The following NKAIN2 variants were observed in gnomAD, a reference collection of about 807,000 sequenced individuals.
The protein encoded by NKAIN2 is sodium/potassium-transporting ATPase subunit beta-1-interacting protein 2.
Under a neutral mutation model 32.6 loss-of-function variants are expected in NKAIN2, and 14 were observed. That is an observed-to-expected ratio of 0.43 (90% confidence interval 0.28 to 0.67). The LOEUF is 0.67. Among genes scored for constraint, NKAIN2 ranks in the 30% least tolerant of loss-of-function variants. The pLI is 0.17. For missense variants in NKAIN2, 198 were observed against 258.3 expected, an observed-to-expected ratio of 0.77 and a Z score of 1.60; for synonymous variants, 80 against 87.2, an observed-to-expected ratio of 0.92 and a Z score of 0.46.
intron 1 of NKAIN2, among the ~76,000 whole-genome samples, chr6:124,086,714 T>C (rs1463426383): frequency 6.6e-6 from 1 of 151,890 alleles, no homozygotes; most frequent in Non-Finnish European, 1.5e-5. Flanking sequence ...GCCAAATGCA[T>C]GAAAGACACA....
intron 3 of NKAIN2, among the ~76,000 whole-genome samples, chr6:124,402,530 T>C (rs1487244377): frequency 6.6e-6 from 1 of 152,234 alleles, no homozygotes; most frequent in Non-Finnish European, 1.5e-5. Flanking sequence ...TATAAGGTCT[T>C]GATATAAATA....
chr6:124,550,697 C>G (rs922502), intron 3 of NKAIN2, among the ~76,000 whole-genome samples: 119,123 of 152,092 alleles, frequency 0.78, 46,685 homozygotes, highest in African/African-American at 0.8. Context: ...TTTAGGAACA[C>G]AGTTATTGAG....
intron 4 of NKAIN2, among the ~76,000 whole-genome samples, chr6:124,713,056 G>C (rs771134142): frequency 6.6e-6 from 1 of 151,988 alleles, no homozygotes; most frequent in Non-Finnish European, 1.5e-5. Context: ...GAATGACAGA[G>C]TAAACATTTA....
chr6:123,874,890 T>A (rs1339449821), intron 1 of NKAIN2, among the ~76,000 whole-genome samples: 1 of 73,502 alleles, frequency 1.4e-5, no homozygotes, highest in Non-Finnish European at 3.4e-5. Context: ...TATTCCTACA[T>A]ACATACATAC....
intron 5 of NKAIN2, among the ~76,000 whole-genome samples, chr6:124,803,787 A>T (rs1780381417): frequency 6.6e-6 from 1 of 152,150 alleles, no homozygotes; most frequent in Admixed American, 6.5e-5. Flanking sequence ...CTACTCTCCT[A>T]GCCTTGGAAA....
At chr6:123,827,467 A>G (rs969062759) in intron 1 of NKAIN2, among the ~76,000 whole-genome samples, 26 of 152,182 alleles carry the variant, frequency 1.7e-4, no homozygotes, top group African/African-American at 6.3e-4. Flanking sequence ...TAAAGTTCAA[A>G]TACTTGATAG....
At chr6:124,277,023 T>G (rs1795066906) in intron 1 of NKAIN2, among the ~76,000 whole-genome samples, 1 of 152,168 alleles carries the variant, frequency 6.6e-6, no homozygotes, top group Non-Finnish European at 1.5e-5. Context: ...ACTGAGAAGT[T>G]GGGCACAGGG....
chr6:124,646,964 A>AAAAACAAAAAC (rs1491165251), intron 3 of NKAIN2, among the ~76,000 whole-genome samples: 1 of 151,888 alleles, frequency 6.6e-6, no homozygotes, highest in African/African-American at 2.4e-5. Flanking sequence ...AAACAAAAAC[A>AAAAACAAAAAC]AAAACAAAAA....
At chr6:124,463,774 T>C (rs1408624073) in intron 3 of NKAIN2, among the ~76,000 whole-genome samples, 1 of 152,158 alleles carries the variant, frequency 6.6e-6, no homozygotes, top group Non-Finnish European at 1.5e-5. Flanking sequence ...TATTTAAAGA[T>C]TGCTTTGTGT....
At chr6:124,439,724 G>A (rs1775611263) in intron 3 of NKAIN2, among the ~76,000 whole-genome samples, 1 of 151,660 alleles carries the variant, frequency 6.6e-6, no homozygotes, top group African/African-American at 2.4e-5. Context: ...AGTAACACAA[G>A]CCTTGTTTAT....
At chr6:123,810,188 A>C (rs926906719) in intron 1 of NKAIN2, among the ~76,000 whole-genome samples, 3 of 152,058 alleles carry the variant, frequency 2.0e-5, no homozygotes, top group Non-Finnish European at 4.4e-5. Context: ...TGTGTTTTTA[A>C]GTCATCCTCT....
At chr6:124,608,883 G>C (rs1426163898) in intron 3 of NKAIN2, among the ~76,000 whole-genome samples, 3 of 152,112 alleles carry the variant, frequency 2.0e-5, no homozygotes, top group Admixed American at 6.6e-5. Flanking sequence ...AATGTCACTT[G>C]GCTACAGGGT....
intron 2 of NKAIN2, among the ~76,000 whole-genome samples, chr6:124,349,295 C>G (rs117397529): frequency 0.025 from 3,814 of 152,132 alleles, 70 homozygotes; most frequent in Non-Finnish European, 0.039. Flanking sequence ...AGCCTGCTCC[C>G]CCCTACAAAG....
At chr6:124,105,332 T>C (rs1785070468) in intron 1 of NKAIN2, among the ~76,000 whole-genome samples, 1 of 152,144 alleles carries the variant, frequency 6.6e-6, no homozygotes, top group African/African-American at 2.4e-5. Context: ...GTTCAGGGGC[T>C]GAAATGATCC....
At chr6:124,722,172 G>C (rs992381250) in intron 4 of NKAIN2, among the ~76,000 whole-genome samples, 2 of 152,188 alleles carry the variant, frequency 1.3e-5, no homozygotes, top group African/African-American at 4.8e-5. Flanking sequence ...TTTTAAGGCT[G>C]AATAATGTTC....
At chr6:124,805,716 A>G (rs1454392642) in intron 5 of NKAIN2, among the ~76,000 whole-genome samples, 4 of 152,186 alleles carry the variant, frequency 2.6e-5, no homozygotes, top group Non-Finnish European at 4.4e-5. Flanking sequence ...ATTCAAACCA[A>G]AGGCAAAGAA....
intron 4 of NKAIN2, among the ~76,000 whole-genome samples, chr6:124,714,677 T>G (rs1219124500): frequency 6.6e-6 from 1 of 152,166 alleles, no homozygotes; most frequent in African/African-American, 2.4e-5. Context: ...AGATCTAATT[T>G]TCATCTGAGC....
intron 3 of NKAIN2, among the ~76,000 whole-genome samples, chr6:124,552,445 T>C (rs1360444654): frequency 6.6e-6 from 1 of 152,202 alleles, no homozygotes; most frequent in Non-Finnish European, 1.5e-5. Context: ...ATCCAGTAGC[T>C]GGTGGCCAAC....
intron 1 of NKAIN2, chr6:123,829,028 G>A (rs922328988): frequency 2.0e-5 from 3 of 152,156 alleles, no homozygotes; most frequent in Admixed American, 6.5e-5. Flanking sequence ...AGGAATATAT[G>A]AAAACTGCTT....
Sources: allele counts gnomAD v4.1 joint callset (sites outside exome capture counted in the v4.1 genomes callset), GRCh38; gene constraint gnomAD v4.1.1; transcripts MANE v1.5; gene names NCBI Gene and HGNC (gene_info 2026-07-23, HGNC 2026-07-21).